ACTR3B: variants seen among roughly 807,000 people sequenced by gnomAD.
The protein encoded by ACTR3B is actin related protein 3B.
A neutral mutation model predicts 59.0 loss-of-function variants in ACTR3B; 8 were observed. That is an observed-to-expected ratio of 0.14 (90% CI 0.08 to 0.24). The LOEUF is 0.24. ACTR3B is among the 10% of genes least tolerant of loss of function. ACTR3B has a pLI of 1.00. For missense variants in ACTR3B, 245 were observed against 552.3 expected (o/e 0.44, Z 5.58); for synonymous variants, 148 against 197.9 (o/e 0.75, Z 2.12).
intron 4 of ACTR3B, among the ~76,000 whole-genome samples, chr7:152,809,445 G>A (rs1460792897): frequency 9.9e-5 from 15 of 152,148 alleles, no homozygotes; most frequent in African/African-American, 1.4e-4. Context: ...AGAGGAAGCC[G>A]CCCTTACCCG....
intron 2 of ACTR3B, among the ~76,000 whole-genome samples, chr7:152,799,106 C>T (rs1371402285): frequency 6.6e-6 from 1 of 152,154 alleles, no homozygotes; most frequent in Non-Finnish European, 1.5e-5. Context: ...GATTTTGATT[C>T]AGAGAAATTT....
Position 152,762,012 on chromosome 7 carries a change from T to G in ACTR3B, c.44+2086T>G, listed in dbSNP as rs148526549. On this transcript the variant is annotated intron_variant, in intron 1 of 11. Coordinates refer to ENST00000256001, the MANE Select transcript of ACTR3B (RefSeq NM_020445.6). Reference sequence around the variant, plus strand: ...AGAAATCAAGAGAAATACCTGTTTCTTGGGTGAAAAAAGCCTTTTTTTGTA... The same window carrying G: ...AGAAATCAAGAGAAATACCTGTTTCGTGGGTGAAAAAAGCCTTTTTTTGTA... 5.8e-3 allele frequency among the ~76,000 whole-genome samples: 887 copies of G among 152,298 alleles called. 5 individuals carry two copies. The highest frequency in any genetic ancestry group is 9.8e-3 in the Non-Finnish European group (668 of 68,034).
In ACTR3B at chr7:152,830,836, ACTGCGCCGG is replaced by A. The variant is rs1309582324; in HGVS notation, c.951+5717_951+5725del. On this transcript the variant is annotated intron_variant, in intron 9 of 11. Transcript: ENST00000256001. ...AGCACTGGGATTATAGGCGTGAACC[ACTGCGCCGG>A]CTCTATTTTTAATTTTTAATGTTTA... Among the ~76,000 whole-genome samples, 3 of 152,286 alleles carry A rather than the reference ACTGCGCCGG, an allele frequency of 2.0e-5. No homozygotes were observed. The East Asian group carries it at 5.8e-4, about 29-fold the overall frequency.
chr7:152,816,104 G>A (rs1450994564), intron 5 of ACTR3B, among the ~76,000 whole-genome samples: 1 of 152,028 alleles, frequency 6.6e-6, no homozygotes, highest in East Asian at 1.9e-4. Context: ...GTGTCACCAC[G>A]CCTGGCTAAT....
chr7:152,816,120 T>C (rs1180584816), intron 5 of ACTR3B, among the ~76,000 whole-genome samples: 5 of 152,100 alleles, frequency 3.3e-5, no homozygotes, highest in Non-Finnish European at 7.4e-5. Flanking sequence ...CTAATTTTTG[T>C]ATTATTTGTA....
rs193074566 is a variant in ACTR3B at position 152,798,442 on chromosome 7, G to A, written c.101-2089G>A. 5.2e-3 allele frequency among the ~76,000 whole-genome samples: 787 copies of A among 152,078 alleles called. 11 individuals carry two copies. The highest frequency in any genetic ancestry group is 0.033 in the East Asian group (172 of 5,180). Reference sequence around the variant, plus strand: ...TATTTTGATTATTAATCTTTTGTCAGGTAGATAGTTTGCAAATAGTTTCTC... The same window carrying A: ...TATTTTGATTATTAATCTTTTGTCAAGTAGATAGTTTGCAAATAGTTTCTC... On this transcript the variant is annotated intron_variant, in intron 2 of 11. Coordinates refer to ENST00000256001, the MANE Select transcript of ACTR3B (RefSeq NM_020445.6).
intron 10 of ACTR3B, among the ~76,000 whole-genome samples, chr7:152,852,936 T>C (rs575914716): frequency 9.6e-4 from 146 of 152,012 alleles, no homozygotes; most frequent in African/African-American, 2.9e-3. Flanking sequence ...GGACTACAGG[T>C]GCCCGCCACC....
intron 9 of ACTR3B, among the ~76,000 whole-genome samples, chr7:152,826,247 A>C (rs1011133531): frequency 1.3e-5 from 2 of 152,220 alleles, no homozygotes; most frequent in Non-Finnish European, 2.9e-5. Context: ...AGGAACTTGT[A>C]AAATTTACAT....
At chr7:152,820,879 T>C (rs914473992) in intron 7 of ACTR3B, among the ~76,000 whole-genome samples, 4 of 152,248 alleles carry the variant, frequency 2.6e-5, no homozygotes, top group African/African-American at 9.6e-5. Context: ...GCCATAAGCA[T>C]CTTCTTCCTT....
rs147579589 is a variant in ACTR3B, at chr7:152,820,462, C to T, written c.684+20C>T. The T allele has an allele frequency of 0.016, 23,753 of 1,525,686 alleles. No homozygotes were observed. Among genetic ancestry groups the T allele is most frequent in the South Asian group, 0.08 (6,229 of 77,474 alleles). 94.5% of individuals were successfully genotyped at this position (1,525,686 alleles called of 1,614,324 possible). On this transcript the variant is annotated intron_variant, in intron 7 of 11. Transcript: ENST00000256001. The stretch of plus-strand genomic sequence containing the variant: ...ATTAAGGTAAAAACAGATGGGAAAC[C>T]GGCCGGTTTGGGGGTGAGAGAGATG...
At chr7:152,816,291 A>C (rs1260842470) in intron 5 of ACTR3B, among the ~76,000 whole-genome samples, 190 bp from the exon 6 acceptor site, 17 of 151,976 alleles carry the variant, frequency 1.1e-4, no homozygotes, top group Admixed American at 9.2e-4. Context: ...GTAAGTACTC[A>C]ACATTTTCGT....
intron 1 of ACTR3B, among the ~76,000 whole-genome samples, chr7:152,768,152 G>A (rs1370799465): frequency 2.0e-5 from 3 of 152,262 alleles, no homozygotes; most frequent in African/African-American, 4.8e-5. Flanking sequence ...GAACCTGGGA[G>A]GCGGAGGTTG....
At position 152,780,989 on chromosome 7, in the gene ACTR3B, C is replaced by G. The variant is rs1020805807; in HGVS notation, c.45-2198C>G. Among the ~76,000 whole-genome samples, 4 of 151,688 alleles carry G rather than the reference C, an allele frequency of 2.6e-5. No individual in the cohort carries two copies. The South Asian group carries it at 8.3e-4, about 31-fold the overall frequency. On this transcript the variant is annotated intron_variant, in intron 1 of 11. Coordinates refer to ENST00000256001, the MANE Select transcript of ACTR3B (RefSeq NM_020445.6). ...GTCTATTATCCCCATTTTATAGTAA[C>G]TGACATACAGATAGGTAAAGTAACT...
intron 9 of ACTR3B, among the ~76,000 whole-genome samples, chr7:152,846,402 C>T (rs1258008225): frequency 1.5e-5 from 2 of 135,930 alleles, no homozygotes; most frequent in Non-Finnish European, 3.1e-5. Context: ...GTGCCCGGGG[C>T]TGTAGTCTGC....
chr7:152,807,103 G>A (rs1294145201), intron 4 of ACTR3B, among the ~76,000 whole-genome samples: 1 of 152,064 alleles, frequency 6.6e-6, no homozygotes, highest in Non-Finnish European at 1.5e-5. Flanking sequence ...AAATACATTA[G>A]GAAATTGGGA....
At chr7:152,772,480 G>A (rs1358428846) in intron 1 of ACTR3B, among the ~76,000 whole-genome samples, 1 of 152,104 alleles carries the variant, frequency 6.6e-6, no homozygotes, top group Non-Finnish European at 1.5e-5. Flanking sequence ...AGTTGTGACT[G>A]CGCCACTGCA....
chr7:152,792,471 C>T (rs13307240), intron 2 of ACTR3B, among the ~76,000 whole-genome samples: 5 of 150,534 alleles, frequency 3.3e-5, no homozygotes, highest in Admixed American at 2.7e-4. Flanking sequence ...AAACATAGGC[C>T]GGGCACGGTG....
At chr7:152,835,645 A>G (rs1275453951) in intron 9 of ACTR3B, among the ~76,000 whole-genome samples, 2 of 152,190 alleles carry the variant, frequency 1.3e-5, no homozygotes, top group African/African-American at 2.4e-5. Flanking sequence ...TAACAAACAC[A>G]TTATGGGTGA....
Position 152,820,545 on chromosome 7 carries a change from C to T in ACTR3B, c.684+103C>T, listed in dbSNP as rs548664069. The T allele has an allele frequency of 1.3e-4, 193 of 1,476,512 alleles. 2 individuals carry two copies. The South Asian group carries it at 2.4e-3, about 19-fold the overall frequency. The allele number at this position is 1,476,512 out of a possible 1,614,324, so 91.5% of individuals were successfully genotyped here. On this transcript the variant is annotated intron_variant, in intron 7 of 11. Coordinates refer to ENST00000256001, the MANE Select transcript of ACTR3B (RefSeq NM_020445.6). ...CCCTGCTCCTCCTTTCCTTCCTCTC[C>T]CCTTCCCATGAATGTGGGGCTTGAT...
Sources: allele counts gnomAD v4.1 joint callset (sites outside exome capture counted in the v4.1 genomes callset), GRCh38; gene constraint gnomAD v4.1.1; transcripts MANE v1.5; gene names NCBI Gene and HGNC (gene_info 2026-07-23, HGNC 2026-07-21).